The following GPC5 variants were observed in gnomAD, a reference collection of about 807,000 sequenced individuals.
GPC5 encodes glypican-5.
In GPC5, 47 loss-of-function variants were observed where a neutral mutation model predicts 53.9. The observed-to-expected ratio is 0.87, with a 90% CI of 0.69 to 1.11. The LOEUF is 1.11. Ranked by LOEUF, GPC5 falls within the 50% of genes most tolerant of loss-of-function variation. The probability of loss-of-function intolerance (pLI) is 0.00; values close to 1 mark genes in which losing one functional copy is unlikely to be tolerated. For synonymous variants in GPC5, 286 were observed against 263.3 expected (o/e 1.09, Z -0.84); for missense variants, 748 against 713.1 (o/e 1.05, Z -0.56).
At chr13:92,826,180 A>G (rs563899926) in intron 7 of GPC5, among the ~76,000 whole-genome samples, 2 of 152,228 alleles carry the variant, frequency 1.3e-5, no homozygotes, top group African/African-American at 4.8e-5. Context: ...AGAAGGGAAG[A>G]TATTTTGCAT....
intron 7 of GPC5, among the ~76,000 whole-genome samples, chr13:92,833,264 A>C (rs919539808): frequency 4.6e-5 from 7 of 152,216 alleles, no homozygotes; most frequent in African/African-American, 1.7e-4. Flanking sequence ...AAAGGAAACC[A>C]GCTGTCCCTT....
At chr13:91,883,359 A>G (rs891438560) in intron 5 of GPC5, among the ~76,000 whole-genome samples, 22 of 152,216 alleles carry the variant, frequency 1.4e-4, no homozygotes, top group African/African-American at 3.4e-4. Flanking sequence ...AGCAGTCACA[A>G]GCATGTCCAG....
At chr13:91,666,066 T>A (rs767672413) in intron 2 of GPC5, among the ~76,000 whole-genome samples, 6 of 152,242 alleles carry the variant, frequency 3.9e-5, no homozygotes, top group South Asian at 2.1e-4. Flanking sequence ...TTTTCATATA[T>A]GCCCTCTTAT....
At chr13:91,552,456 C>G (rs1211202236) in intron 2 of GPC5, among the ~76,000 whole-genome samples, 6 of 151,916 alleles carry the variant, frequency 3.9e-5, no homozygotes, top group African/African-American at 1.5e-4. Context: ...AGTGGGAAAT[C>G]AGGGGTCTCA....
At chr13:91,847,584 A>G (rs2038866535) in intron 5 of GPC5, among the ~76,000 whole-genome samples, 1 of 152,146 alleles carries the variant, frequency 6.6e-6, no homozygotes, top group Non-Finnish European at 1.5e-5. Flanking sequence ...TTTGGTTCCA[A>G]ATTTCTAACC....
intron 5 of GPC5, among the ~76,000 whole-genome samples, chr13:91,895,170 A>C (rs2039428558): frequency 1.3e-5 from 2 of 152,110 alleles, no homozygotes; most frequent in South Asian, 4.1e-4. Flanking sequence ...GGTGGTTCCC[A>C]CATGCTGGTT....
chr13:91,399,765 G>C (rs186983601), intron 1 of GPC5, among the ~76,000 whole-genome samples: 24 of 152,246 alleles, frequency 1.6e-4, no homozygotes, highest in Admixed American at 1.4e-3. Flanking sequence ...CTGCCCTTCT[G>C]TGCCCTCGTA....
At chr13:91,714,339 T>C (rs1036411789) in intron 3 of GPC5, among the ~76,000 whole-genome samples, 14 of 152,168 alleles carry the variant, frequency 9.2e-5, no homozygotes, top group African/African-American at 3.4e-4. Context: ...AATATCCAAC[T>C]GGGGGATTGT....
At chr13:92,323,361 C>CAT (rs200094469) in intron 7 of GPC5, among the ~76,000 whole-genome samples, 65 of 148,636 alleles carry the variant, frequency 4.4e-4, no homozygotes, top group East Asian at 9.9e-4. Context: ...ATAACAGATA[C>CAT]ATATATATAT....
At chr13:92,799,654 T>G (rs1437081469) in intron 7 of GPC5, among the ~76,000 whole-genome samples, 1 of 151,954 alleles carries the variant, frequency 6.6e-6, no homozygotes, top group East Asian at 1.9e-4. Context: ...GGTTTCCATC[T>G]TACAATTGTG....
At chr13:91,437,708 A>T (rs1460492450) in intron 1 of GPC5, among the ~76,000 whole-genome samples, 1 of 152,154 alleles carries the variant, frequency 6.6e-6, no homozygotes, top group African/African-American at 2.4e-5. Flanking sequence ...GTTGGCCTGC[A>T]TTGCTAGACT....
At chr13:91,900,555 T>C (rs1216079079) in intron 5 of GPC5, among the ~76,000 whole-genome samples, 1 of 152,122 alleles carries the variant, frequency 6.6e-6, no homozygotes, top group Non-Finnish European at 1.5e-5. Flanking sequence ...ACAGTCACTT[T>C]GAATCAAATT....
intron 7 of GPC5, among the ~76,000 whole-genome samples, chr13:92,219,057 C>T (rs1338361544): frequency 2.0e-5 from 3 of 152,034 alleles, no homozygotes; most frequent in African/African-American, 4.8e-5. Context: ...CCCAACATTC[C>T]GTGAGAAGCA....
intron 1 of GPC5, among the ~76,000 whole-genome samples, chr13:91,410,755 A>G (rs1877704212): frequency 6.6e-6 from 1 of 152,168 alleles, no homozygotes; most frequent in Non-Finnish European, 1.5e-5. Context: ...TTCATTATTT[A>G]ATATACTAAA....
chr13:92,094,300 AAGTCAGTAGATTGAG>A (rs2041403820), intron 6 of GPC5, among the ~76,000 whole-genome samples: 1 of 152,124 alleles, frequency 6.6e-6, no homozygotes, highest in Admixed American at 6.5e-5. Context: ...GTGGATCACG[AAGTCAGTAGATTGAG>A]ACCATTCTGG....
chr13:91,778,205 T>C (rs1041004964), intron 5 of GPC5, among the ~76,000 whole-genome samples: 1 of 152,196 alleles, frequency 6.6e-6, no homozygotes, highest in Non-Finnish European at 1.5e-5. Flanking sequence ...TAGACTTTTG[T>C]TCTCTTTTCA....
At chr13:92,137,932 G>A (rs761903110) in intron 6 of GPC5, among the ~76,000 whole-genome samples, 16 of 152,238 alleles carry the variant, frequency 1.1e-4, no homozygotes, top group East Asian at 1.9e-4. Context: ...TGATGGTGAC[G>A]TGTCAGTTTA....
In GPC5 at chr13:91,750,583, C is replaced by T. The variant is rs74105002; in HGVS notation, c.1155-5712C>T. On this transcript the variant is annotated intron_variant, in intron 4 of 7. Coordinates refer to ENST00000377067, the MANE Select transcript of GPC5 (RefSeq NM_004466.6). The stretch of plus-strand genomic sequence containing the variant: ...TTTCACGTAAAACTGGAAAAGTAGT[C>T]GTGTGCTAGCTTGAGCATTGAGCTG... Among the ~76,000 whole-genome samples, 1,234 of 151,004 alleles carry T rather than the reference C, an allele frequency of 8.2e-3. 19 individuals carry two copies. The highest frequency in any genetic ancestry group is 0.028 in the African/African-American group (1,163 of 41,140).
intron 6 of GPC5, among the ~76,000 whole-genome samples, chr13:92,015,614 T>C (rs1278583121): frequency 6.6e-6 from 1 of 152,190 alleles, no homozygotes; most frequent in African/African-American, 2.4e-5. Flanking sequence ...CTCCCGTAAG[T>C]CACAAATTAG....
Sources: allele counts gnomAD v4.1 joint callset (sites outside exome capture counted in the v4.1 genomes callset), GRCh38; gene constraint gnomAD v4.1.1; transcripts MANE v1.5; gene names NCBI Gene and HGNC (gene_info 2026-07-23, HGNC 2026-07-21).